The following SMIM13 variants were observed in gnomAD, a reference collection of about 807,000 sequenced individuals.
The protein encoded by SMIM13 is UPF0766 protein C6orf228.
A neutral mutation model predicts 5.9 loss-of-function variants in SMIM13; 3 were observed. That is an observed-to-expected ratio of 0.51 (90% CI 0.23 to 1.31). SMIM13 has a LOEUF of 1.31. Ranked by LOEUF, SMIM13 falls within the 40% of genes most tolerant of loss-of-function variation. The pLI is 0.18. For missense variants in SMIM13, 85 were observed against 109.9 expected (o/e 0.77, Z 1.01); for synonymous variants, 55 against 46.0 (o/e 1.19, Z -0.79).
chr6:11,130,355 C>T (rs1386464520), intron 1 of SMIM13, among the ~76,000 whole-genome samples: 4 of 152,032 alleles, frequency 2.6e-5, no homozygotes, highest in Non-Finnish European at 4.4e-5. Flanking sequence ...AATTCCATAC[C>T]TCACAGTGTT....
At chr6:11,124,503 G>A (rs1758351189) in intron 1 of SMIM13, among the ~76,000 whole-genome samples, 1 of 152,116 alleles carries the variant, frequency 6.6e-6, no homozygotes, top group Non-Finnish European at 1.5e-5. Flanking sequence ...TTTTTTAGGG[G>A]GGTAGGTGGG....
chr6:11,137,695 T>C lies in SMIM13; in HGVS notation c.*3093T>C, dbSNP rs1348958240. On this transcript the variant is annotated 3_prime_UTR_variant, in exon 2 of 2. Coordinates refer to ENST00000416247, the MANE Select transcript of SMIM13 (RefSeq NM_001135575.2). ...CTGCCTTTGAAACTTTTTGTGAAAATTGCCTGTACCAATTGCATTGGTTGC... is the reference window on the plus strand; with the variant it reads ...CTGCCTTTGAAACTTTTTGTGAAAACTGCCTGTACCAATTGCATTGGTTGC... 6.6e-6 allele frequency: 1 copy of C among 152,154 alleles called. No homozygotes were observed. The highest frequency in any genetic ancestry group is 2.4e-5 in the African/African-American group (1 of 41,448). The allele number at this position is 152,154 out of a possible 1,614,324, so 9.4% of individuals were successfully genotyped here.
chr6:11,117,829 G>A lies in SMIM13; in HGVS notation c.77-16574G>A, dbSNP rs529971566. On this transcript the variant is annotated intron_variant, in intron 1 of 1. Transcript: ENST00000416247. ...CAGTGGCAAGATCTCCGCTCACTGCGACCTCCGCCTCCCGGATTCAAGCGA... is the reference window on the plus strand; with the variant it reads ...CAGTGGCAAGATCTCCGCTCACTGCAACCTCCGCCTCCCGGATTCAAGCGA... Among the ~76,000 whole-genome samples, 18 of 151,092 alleles carry A rather than the reference G, an allele frequency of 1.2e-4. 1 individual carries two copies. In the East Asian group the frequency reaches 3.1e-3, roughly 26 times the overall value.
intron 1 of SMIM13, among the ~76,000 whole-genome samples, chr6:11,123,520 A>G (rs1276434706): frequency 6.6e-6 from 1 of 152,216 alleles, no homozygotes; most frequent in Non-Finnish European, 1.5e-5. Context: ...ATAGATGAAT[A>G]GATTTTGAGC....
chr6:11,097,961 A>T (rs532247982), intron 1 of SMIM13, among the ~76,000 whole-genome samples: 6 of 151,660 alleles, frequency 4.0e-5, no homozygotes, highest in African/African-American at 1.5e-4. Flanking sequence ...CCCCCACCCA[A>T]TTTCTGAGAT....
At position 11,104,502 on chromosome 6, in the gene SMIM13, G is replaced by T. The variant is rs781074920; in HGVS notation, c.76+10113G>T. 6.4e-6 allele frequency: 10 copies of T among 1,558,318 alleles called. No individual in the cohort carries two copies. In the South Asian group the frequency reaches 1.1e-4, roughly 16 times the overall value. On this transcript the variant is annotated intron_variant, in intron 1 of 1. Coordinates refer to ENST00000416247, the MANE Select transcript of SMIM13 (RefSeq NM_001135575.2). ...GGTTCCAAAAAATTCTGAGACTGCTGATATGCCCAGGTAGCTGGTGGCTAT... is the reference window on the plus strand; with the variant it reads ...GGTTCCAAAAAATTCTGAGACTGCTTATATGCCCAGGTAGCTGGTGGCTAT...
chr6:11,131,883 A>G (rs1758454621), intron 1 of SMIM13, among the ~76,000 whole-genome samples: 1 of 152,192 alleles, frequency 6.6e-6, no homozygotes, highest in South Asian at 2.1e-4. Context: ...TAGATATGCC[A>G]TCCAAAGTAC....
At chr6:11,129,030 G>A (rs1363576064) in intron 1 of SMIM13, among the ~76,000 whole-genome samples, 2 of 151,478 alleles carry the variant, frequency 1.3e-5, no homozygotes, top group African/African-American at 4.9e-5. Context: ...TTTTATGGAG[G>A]TGCTTTTTTG....
At chr6:11,108,377 C>T (rs1339954766) in intron 1 of SMIM13, among the ~76,000 whole-genome samples, 5 of 152,158 alleles carry the variant, frequency 3.3e-5, no homozygotes, top group Non-Finnish European at 7.3e-5. Flanking sequence ...CCAAGTGGAG[C>T]GTAGGGCCCC....
At chr6:11,096,749 G>C (rs1489282288) in intron 1 of SMIM13, among the ~76,000 whole-genome samples, 1 of 151,706 alleles carries the variant, frequency 6.6e-6, no homozygotes, top group Non-Finnish European at 1.5e-5. Flanking sequence ...GCCCAGGCTG[G>C]AGTGCAATGG....
At chr6:11,114,041 G>A (rs1020032781) in intron 1 of SMIM13, among the ~76,000 whole-genome samples, 82 of 150,370 alleles carry the variant, frequency 5.5e-4, no homozygotes, top group African/African-American at 1.8e-3. Context: ...GTGCAATGGC[G>A]CGGTCTTGGC....
intron 1 of SMIM13, chr6:11,103,451 T>C (rs560882659): frequency 2.2e-5 from 11 of 508,822 alleles, no homozygotes; most frequent in Non-Finnish European, 3.3e-5. Flanking sequence ...GCTCCAACAT[T>C]TCCCCCCCTC....
At chr6:11,106,470 G>T (rs887398936) in intron 1 of SMIM13, among the ~76,000 whole-genome samples, 1 of 152,204 alleles carries the variant, frequency 6.6e-6, no homozygotes, top group Middle Eastern at 3.2e-3. Flanking sequence ...CTGAACACTG[G>T]TTTACAAATT....
At chr6:11,131,141 C>T (rs1033172730) in intron 1 of SMIM13, among the ~76,000 whole-genome samples, 2 of 151,934 alleles carry the variant, frequency 1.3e-5, no homozygotes, top group Non-Finnish European at 2.9e-5. Context: ...AGAAGTTTTC[C>T]TTAGTATTTG....
Position 11,104,981 on chromosome 6 carries a change from G to A in SMIM13, c.76+10592G>A, listed in dbSNP as rs1375747205. The A allele has an allele frequency of 4.3e-6, 7 of 1,614,062 alleles. No homozygotes were observed. The African/African-American group carries it at 5.3e-5, about 12-fold the overall frequency. On this transcript the variant is annotated intron_variant, in intron 1 of 1. Transcript: ENST00000416247. Reference sequence around the variant, plus strand: ...GGTTGATATTAGTAAAGATGGGTCCGAAAATGGGAGGTTTCTGGCGGATAT... The same window carrying A: ...GGTTGATATTAGTAAAGATGGGTCCAAAAATGGGAGGTTTCTGGCGGATAT...
chr6:11,122,266 C>T (rs1758321672), intron 1 of SMIM13, among the ~76,000 whole-genome samples: 1 of 152,208 alleles, frequency 6.6e-6, no homozygotes, highest in Non-Finnish European at 1.5e-5. Flanking sequence ...TTTTGAAGTT[C>T]GAATGATCCC....
chr6:11,131,028 C>A (rs888322545), intron 1 of SMIM13, among the ~76,000 whole-genome samples: 1 of 152,052 alleles, frequency 6.6e-6, no homozygotes, highest in Admixed American at 6.6e-5. Flanking sequence ...ACTGTAATAT[C>A]TGTTTAGATA....
At chr6:11,096,588 TAA>T (rs1422822216) in intron 1 of SMIM13, among the ~76,000 whole-genome samples, 2 of 152,074 alleles carry the variant, frequency 1.3e-5, no homozygotes, top group Non-Finnish European at 2.9e-5. Context: ...AGACCAGACT[TAA>T]GAGAGAAATT....
At position 11,093,901 on chromosome 6, in the gene SMIM13, G is replaced by C. The variant is rs917076519; in HGVS notation, c.-413G>C. 1 of 152,326 alleles carries C rather than the reference G, an allele frequency of 6.6e-6. No individual in the cohort carries two copies. Among genetic ancestry groups the C allele is most frequent in the African/African-American group, 2.4e-5 (1 of 41,470 alleles). The allele number at this position is 152,326 out of a possible 1,614,324, so 9.4% of individuals were successfully genotyped here. A position where few individuals can be genotyped will look rare whatever the true frequency, so the allele number is the denominator to read the frequency against. On this transcript the variant is annotated 5_prime_UTR_variant, in exon 1 of 2. Coordinates refer to ENST00000416247, the MANE Select transcript of SMIM13 (RefSeq NM_001135575.2). ...GCATCCCTGGGGTCTCAGAGACACG[G>C]GTGGACAGCGACGAGGGCCTTGTGG...
Sources: allele counts gnomAD v4.1 joint callset (sites outside exome capture counted in the v4.1 genomes callset), GRCh38; gene constraint gnomAD v4.1.1; transcripts MANE v1.5; gene names NCBI Gene and HGNC (gene_info 2026-07-23, HGNC 2026-07-21).